Variants in STXBP5L observed in about 807,000 individuals in gnomAD.
STXBP5L encodes the protein syntaxin binding protein 5L.
In STXBP5L, 65 loss-of-function variants were observed where a neutral mutation model predicts 144.5. The ratio of observed to expected loss-of-function variants is 0.45; its 90% confidence interval spans 0.37 to 0.55. The LOEUF (loss-of-function observed/expected upper bound fraction) is 0.55, where lower values mean the gene tolerates loss of function less well. STXBP5L is among the 20% of genes least tolerant of loss of function. The probability of loss-of-function intolerance (pLI) is 0.00; values close to 1 mark genes in which losing one functional copy is unlikely to be tolerated. For missense variants in STXBP5L, 1,298 were observed against 1,405.5 expected (o/e 0.92, Z 1.22); for synonymous variants, 505 against 469.6 (o/e 1.08, Z -0.97).
chr3:121,081,716 T>A (rs1202429619), intron 5 of STXBP5L, among the ~76,000 whole-genome samples: 2 of 152,182 alleles, frequency 1.3e-5, no homozygotes, highest in African/African-American at 4.8e-5. Context: ...AGGCACTGGT[T>A]GTAGCTAAGG....
chr3:121,162,306 A>T (rs1475340633), intron 9 of STXBP5L, among the ~76,000 whole-genome samples: 4 of 152,156 alleles, frequency 2.6e-5, no homozygotes, highest in Non-Finnish European at 4.4e-5. Context: ...CCCTGACAAA[A>T]ATGTGCAATG....
chr3:121,105,241 C>A (rs889146323), intron 5 of STXBP5L, among the ~76,000 whole-genome samples: 1 of 151,714 alleles, frequency 6.6e-6, no homozygotes, highest in Admixed American at 6.6e-5. Context: ...ACTAAAAATA[C>A]AAAAATTAGC....
At chr3:121,176,731 T>G (rs1818660) in intron 9 of STXBP5L, among the ~76,000 whole-genome samples, 77,384 of 151,464 alleles carry the variant, frequency 0.51, 20,221 homozygotes, top group Admixed American at 0.6. Flanking sequence ...AATGTTCTCA[T>G]CTAACAACCC....
intron 3 of STXBP5L, among the ~76,000 whole-genome samples, chr3:120,988,980 CAA>C (rs1942570549): frequency 1.3e-5 from 2 of 151,998 alleles, no homozygotes; most frequent in Non-Finnish European, 2.9e-5. Flanking sequence ...CTTGTTTTTG[CAA>C]AAGACATGAT....
chr3:121,384,943 T>C (rs1477089277), intron 22 of STXBP5L, among the ~76,000 whole-genome samples: 1 of 152,046 alleles, frequency 6.6e-6, no homozygotes, highest in Non-Finnish European at 1.5e-5. Context: ...CTTAACTCTT[T>C]ATGCTGCCAA....
chr3:121,359,298 A>T (rs148433171), intron 20 of STXBP5L, among the ~76,000 whole-genome samples: 1,885 of 152,234 alleles, frequency 0.012, 13 homozygotes, highest in Non-Finnish European at 0.021. Context: ...TTTTGATCAG[A>T]TTATTAGATT....
At chr3:120,985,485 C>T (rs1375032870) in intron 3 of STXBP5L, among the ~76,000 whole-genome samples, 1 of 152,026 alleles carries the variant, frequency 6.6e-6, no homozygotes, top group Non-Finnish European at 1.5e-5. Context: ...CTATTATCAA[C>T]TATAGTCACC....
intron 3 of STXBP5L, among the ~76,000 whole-genome samples, chr3:120,996,629 G>C (rs1196415290): frequency 6.6e-6 from 1 of 152,008 alleles, no homozygotes; most frequent in Non-Finnish European, 1.5e-5. Context: ...CAGCCTCCTT[G>C]GCACTGGTAG....
intron 3 of STXBP5L, among the ~76,000 whole-genome samples, chr3:121,039,120 G>T (rs7617067): frequency 0.099 from 15,087 of 151,764 alleles, 1,182 homozygotes; most frequent in Admixed American, 0.2. Context: ...GTATAGCTGG[G>T]TATAAATCTA....
rs769288987 is a variant in STXBP5L at position 121,114,999 on chromosome 3, T to C, written c.545T>C (p.Val182Ala). The C allele has an allele frequency of 1.9e-6, 3 of 1,602,478 alleles. No individual in the cohort carries two copies. The African/African-American group carries it at 4.0e-5, about 22-fold the overall frequency. The change falls in exon 6 of 27, where the codon GTA becomes GCA. Residue 182 changes from valine (V) to alanine (A), a missense_variant. Transcript: ENST00000471454. ...VGTERGNTHI[V>A]NIESFILSGY... Reference sequence around the variant, plus strand: ...ACAGAAAGAGGAAATACACATATTGTAAATATTGAATCTTTCATTCTTTCT... The same window carrying C: ...ACAGAAAGAGGAAATACACATATTGCAAATATTGAATCTTTCATTCTTTCT...
chr3:121,024,284 T>C (rs1402293078), intron 3 of STXBP5L, among the ~76,000 whole-genome samples: 1 of 152,148 alleles, frequency 6.6e-6, no homozygotes, highest in African/African-American at 2.4e-5. Flanking sequence ...CCAAAGAGGC[T>C]ATATGGATCA....
At chr3:121,032,644 A>T (rs888764608) in intron 3 of STXBP5L, among the ~76,000 whole-genome samples, 2 of 127,302 alleles carry the variant, frequency 1.6e-5, no homozygotes, top group Non-Finnish European at 3.3e-5. Flanking sequence ...AACCTACAAC[A>T]TGGGAGAAAA....
intron 3 of STXBP5L, among the ~76,000 whole-genome samples, chr3:120,993,699 A>G (rs1213803919): frequency 6.6e-6 from 1 of 151,644 alleles, no homozygotes; most frequent in East Asian, 1.9e-4. Flanking sequence ...TTTTGTCTAT[A>G]TTGCCTTGTA....
intron 3 of STXBP5L, among the ~76,000 whole-genome samples, chr3:120,992,631 T>C (rs1233755241): frequency 6.6e-6 from 1 of 152,122 alleles, no homozygotes. Context: ...ATGACAGGAT[T>C]TTATTCTTTT....
intron 25 of STXBP5L, among the ~76,000 whole-genome samples, chr3:121,417,512 TTAGAG>T (rs56319609): frequency 0.13 from 19,077 of 152,088 alleles, 1,261 homozygotes; most frequent in South Asian, 0.23. Context: ...TGCCCAGGCT[TTAGAG>T]TAAAGTGGCA....
chr3:121,373,044 T>C (rs1427864638), intron 20 of STXBP5L, among the ~76,000 whole-genome samples: 2 of 152,214 alleles, frequency 1.3e-5, no homozygotes, highest in Non-Finnish European at 2.9e-5. Flanking sequence ...TTAACCTTCT[T>C]AACCAAATAA....
intron 24 of STXBP5L, among the ~76,000 whole-genome samples, chr3:121,414,955 G>A (rs1302790752): frequency 6.6e-6 from 1 of 152,146 alleles, no homozygotes; most frequent in African/African-American, 2.4e-5. Flanking sequence ...GGAGTGGAAA[G>A]GAAGGAATTA....
intron 3 of STXBP5L, among the ~76,000 whole-genome samples, chr3:121,008,441 T>C (rs1247056809): frequency 6.6e-6 from 1 of 152,030 alleles, no homozygotes; most frequent in Admixed American, 6.6e-5. Flanking sequence ...AGTGCACATT[T>C]CCAAAATAGA....
At chr3:120,989,362 ATT>A (rs1339535080) in intron 3 of STXBP5L, among the ~76,000 whole-genome samples, 1 of 152,102 alleles carries the variant, frequency 6.6e-6, no homozygotes, top group East Asian at 1.9e-4. Context: ...CTGTGGTTTA[ATT>A]TGTATTATTC....
Sources: allele counts gnomAD v4.1 joint callset (sites outside exome capture counted in the v4.1 genomes callset), GRCh38; gene constraint gnomAD v4.1.1; transcripts MANE v1.5; gene names NCBI Gene and HGNC (gene_info 2026-07-23, HGNC 2026-07-21).